C6orf58: variants seen among roughly 807,000 people sequenced by gnomAD.
C6orf58 encodes protein LEG1 homolog.
Under a neutral mutation model 37.0 loss-of-function variants are expected in C6orf58, and 30 were observed. That is an observed-to-expected ratio of 0.81 (90% confidence interval 0.61 to 1.10). The LOEUF (loss-of-function observed/expected upper bound fraction) is 1.10. Among genes scored for constraint, C6orf58 ranks in the 50% least tolerant of loss-of-function variants. The pLI is 0.00. For missense variants in C6orf58, 368 were observed against 387.5 expected, an observed-to-expected ratio of 0.95 and a Z score of 0.42; for synonymous variants, 143 against 134.1, an observed-to-expected ratio of 1.07 and a Z score of -0.46.
rs141315570 is a variant in C6orf58 at position 127,579,658 on chromosome 6, G to A, written c.389-607G>A. On this transcript the variant is annotated intron_variant, in intron 2 of 5. Transcript: ENST00000329722. ...CTAATGAAAATGTCTGAGTCTGCTGGAATAGGTGATATATAGGTAAAATTT... is the reference window on the plus strand; with the variant it reads ...CTAATGAAAATGTCTGAGTCTGCTGAAATAGGTGATATATAGGTAAAATTT... 9.3e-3 allele frequency among the ~76,000 whole-genome samples: 1,421 copies of A among 152,140 alleles called. 27 individuals are homozygous for A. Among genetic ancestry groups the A allele is most frequent in the African/African-American group, 0.033 (1,374 of 41,520 alleles).
intron 4 of C6orf58, among the ~76,000 whole-genome samples, chr6:127,588,536 A>G (rs1351383588): frequency 2.6e-5 from 4 of 152,192 alleles, no homozygotes; most frequent in African/African-American, 9.6e-5. Context: ...ATACTCAAAT[A>G]AAACTCTGTG....
intron 2 of C6orf58, among the ~76,000 whole-genome samples, chr6:127,579,456 G>C (rs377197244): frequency 1.3e-5 from 2 of 151,984 alleles, no homozygotes; most frequent in South Asian, 4.1e-4. Context: ...AAAGACTCGC[G>C]AATAGTAGTG....
intron 1 of C6orf58, 152 bp from the exon 2 acceptor site, chr6:127,578,534 A>C (rs370471668): frequency 2.1e-6 from 1 of 486,432 alleles, no homozygotes; most frequent in South Asian, 4.1e-5. Context: ...TAAAAAATAA[A>C]AGATAAAAAA....
chr6:127,580,304 C>T lies in C6orf58; in HGVS notation c.428C>T (p.Ala143Val), dbSNP rs199559471. 11 of 1,611,986 alleles carry T rather than the reference C, an allele frequency of 6.8e-6. No homozygotes were observed. The highest frequency in any genetic ancestry group is 4.0e-5 in the African/African-American group (3 of 74,770). The change falls in exon 3 of 6, where the codon GCG (alanine) becomes GTG (valine). Residue 143 changes from alanine to valine, a missense_variant. By Grantham distance (64) the Ala-to-Val change is moderately conservative (BLOSUM62 0). Transcript: ENST00000329722. ...CTGTCTTCATTACCCTTTCTTGCTG[C>T]GGTTGATTCTGGTGTAATGGGGATA... ...YFLSSLPFLA[A>V]VDSGVMGISS...
At chr6:127,587,737 A>C (rs1164374262) in intron 4 of C6orf58, among the ~76,000 whole-genome samples, 1 of 152,234 alleles carries the variant, frequency 6.6e-6, no homozygotes, top group Non-Finnish European at 1.5e-5. Context: ...TATTTTTAAA[A>C]TAGCAATAAC....
chr6:127,577,235 C>T lies in C6orf58; in HGVS notation c.50C>T (p.Ala17Val), dbSNP rs774678779. The T allele has an allele frequency of 9.3e-6, 15 of 1,613,442 alleles. No individual in the cohort carries two copies. Among genetic ancestry groups the T allele is most frequent in the African/African-American group, 2.7e-5 (2 of 74,884 alleles). Reference protein sequence around the residue: ...WVCVLVGSFSASLAGTSNLSE... With the variant: ...WVCVLVGSFSVSLAGTSNLSE... ...TGTGTACTAGTTGGTTCCTTTTCTGCTTCCTTAGCAGGGACTTCCAATCTC... is the reference window on the plus strand; with the variant it reads ...TGTGTACTAGTTGGTTCCTTTTCTGTTTCCTTAGCAGGGACTTCCAATCTC... Residue 17 changes from alanine to valine, a missense_variant, in exon 1 of 6, where the codon GCT becomes GTT. By Grantham distance (64) the Ala-to-Val change is moderately conservative. Coordinates refer to ENST00000329722, the MANE Select transcript of C6orf58 (RefSeq NM_001010905.3).
In C6orf58 at chr6:127,577,451, G is replaced by A. The variant is rs1399256007; in HGVS notation, c.266G>A (p.Gly89Glu). 3.1e-6 allele frequency: 5 copies of A among 1,613,584 alleles called. No homozygotes were observed. Among genetic ancestry groups the A allele is most frequent in the South Asian group, 1.1e-5 (1 of 91,064 alleles). The part of the protein sequence containing the change: ...APDNEQNILW[G>E]LPLQYGWQYR... Reference sequence around the variant, plus strand: ...GATAATGAACAGAATATTTTATGGGGGTTGCCTCTGCAGTATGGCTGGCAA... The same window carrying A: ...GATAATGAACAGAATATTTTATGGGAGTTGCCTCTGCAGTATGGCTGGCAA... The change falls in exon 1 of 6, where the codon GGG becomes GAG. Residue 89 changes from glycine (G) to glutamate (E), a missense_variant. Gly to Glu is a moderately conservative substitution (Grantham distance 98). Transcript: ENST00000329722.
rs1388887588 is a variant in C6orf58 at position 127,588,022 on chromosome 6, T to C, written c.675-2065T>C. ...TCACTAAACCTCAGTGTTGTACAAC[T>C]GTGTTTATTGCTCAGATGTCTGGGG... On this transcript the variant is annotated intron_variant, in intron 4 of 5. Coordinates refer to ENST00000329722, the MANE Select transcript of C6orf58 (RefSeq NM_001010905.3). Among the ~76,000 whole-genome samples, 4 of 152,174 alleles carry C rather than the reference T, an allele frequency of 2.6e-5. No individual in the cohort carries two copies. The East Asian group carries it at 7.7e-4, about 29-fold the overall frequency.
chr6:127,580,145 G>T, intron 2 of C6orf58, 120 bp from the exon 3 acceptor site: 3 of 664,452 alleles, frequency 4.5e-6, no homozygotes, highest in African/African-American at 1.8e-5. Context: ...TTTTCCTAAT[G>T]GTTAGCTTTT....
intron 4 of C6orf58, among the ~76,000 whole-genome samples, chr6:127,585,052 C>T (rs767625235): frequency 5.9e-5 from 9 of 152,100 alleles, no homozygotes; most frequent in East Asian, 1.9e-4. Flanking sequence ...AACTCTCATT[C>T]GGTCCAATGG....
chr6:127,585,276 A>C (rs1775095587), intron 4 of C6orf58, among the ~76,000 whole-genome samples: 1 of 152,206 alleles, frequency 6.6e-6, no homozygotes. Flanking sequence ...GCAAAGCCCC[A>C]AAATTAATTT....
At chr6:127,591,205 C>A (rs150856513) in intron 5 of C6orf58, among the ~76,000 whole-genome samples, 5 of 152,108 alleles carry the variant, frequency 3.3e-5, no homozygotes, top group Middle Eastern at 3.4e-3. Context: ...ATGAGTTGAT[C>A]CAATTTATTC....
chr6:127,580,151 C>T, intron 2 of C6orf58, 114 bp from the exon 3 acceptor site: 3 of 707,802 alleles, frequency 4.2e-6, no homozygotes, highest in South Asian at 4.9e-5. Flanking sequence ...TAATGGTTAG[C>T]TTTTATAATG....
rs768331098 is a variant in C6orf58 at position 127,580,413 on chromosome 6, C to T, written c.537C>T (p.Phe179=). The change falls in exon 3 of 6, where the codon TTC becomes TTT. Residue 179 remains phenylalanine (F), a synonymous_variant. Coordinates refer to ENST00000329722, the MANE Select transcript of C6orf58 (RefSeq NM_001010905.3). ...CYDVSSCRSS[F]PETMNKWNTF... ...ATGTTTCTAGCTGTCGTTCATCCTT[C>T]CCTGAGACAATGAACAAGTGGAACA... 25 of 1,612,756 alleles carry T rather than the reference C, an allele frequency of 1.6e-5. No individual in the cohort carries two copies. In the South Asian group the frequency reaches 2.7e-4, roughly 18 times the overall value.
chr6:127,585,538 A>G (rs922891378), intron 4 of C6orf58, among the ~76,000 whole-genome samples: 4 of 152,348 alleles, frequency 2.6e-5, no homozygotes, highest in Non-Finnish European at 4.4e-5. Flanking sequence ...TGAAGACAAC[A>G]TGAAGCACAG....
rs1775002639 is a variant in C6orf58, at chr6:127,577,518, T to C, written c.301+32T>C. The C allele has an allele frequency of 5.0e-6, 8 of 1,591,660 alleles. No individual in the cohort carries two copies. The African/African-American group carries it at 8.1e-5, about 16-fold the overall frequency. ...ATGACTCTTGTTTTCATTGTAATGA[T>C]CTACCGATAGACCTATGAAGTATTT... is the stretch of plus-strand genomic sequence containing the variant. On this transcript the variant is annotated intron_variant, in intron 1 of 5. Transcript: ENST00000329722.
At chr6:127,580,174 T>C in intron 2 of C6orf58, 91 bp from the exon 3 acceptor site, 1 of 959,542 alleles carries the variant, frequency 1.0e-6, no homozygotes, top group South Asian at 1.7e-5. Flanking sequence ...TCTGGGTCTG[T>C]GAATTTTTTT....
chr6:127,590,501 A>T (rs1462676957), intron 5 of C6orf58, among the ~76,000 whole-genome samples, 176 bp downstream of exon 5: 1 of 152,142 alleles, frequency 6.6e-6, no homozygotes, highest in Non-Finnish European at 1.5e-5. Flanking sequence ...GAACCATTTA[A>T]TGAGCACACA....
At chr6:127,580,488 T>G in intron 3 of C6orf58, 39 bp downstream of exon 3, 1 of 1,480,120 alleles carries the variant, frequency 6.8e-7, no homozygotes, top group Non-Finnish European at 9.3e-7. Context: ...GAAGAGAGTT[T>G]ATTTTGTCAT....
Sources: allele counts gnomAD v4.1 joint callset (sites outside exome capture counted in the v4.1 genomes callset), GRCh38; gene constraint gnomAD v4.1.1; transcripts MANE v1.5; gene names NCBI Gene and HGNC (gene_info 2026-07-23, HGNC 2026-07-21).